The following ABLIM3 variants were observed in gnomAD, a reference collection of about 807,000 sequenced individuals.
ABLIM3 encodes actin binding LIM protein family member 3, also known as actin-binding LIM protein 3.
A neutral mutation model predicts 109.5 loss-of-function variants in ABLIM3; 61 were observed. The ratio of observed to expected loss-of-function variants is 0.56; its 90% confidence interval spans 0.45 to 0.69. The LOEUF (loss-of-function observed/expected upper bound fraction) is 0.69. ABLIM3 is among the 30% of genes least tolerant of loss of function. The pLI is 0.00. For missense variants in ABLIM3, 796 were observed against 889.5 expected (o/e 0.89, Z 1.34); for synonymous variants, 300 against 324.8 (o/e 0.92, Z 0.82).
rs1485576715 is a variant in ABLIM3, at chr5:149,246,554, G to A, written c.1551+8G>A. On this transcript the variant is annotated splice_region_variant and intron_variant, in intron 17 of 23. Coordinates refer to ENST00000309868, the MANE Select transcript of ABLIM3 (RefSeq NM_014945.5). ...GACCGCAGCATGCACAAGGTGGGCA[G>A]AGACCACAGCACTGAATATGATGCT... is the stretch of plus-strand genomic sequence containing the variant. The A allele has an allele frequency of 6.2e-7, 1 of 1,614,018 alleles. No homozygotes were observed. Among genetic ancestry groups the A allele is most frequent in the Non-Finnish European group, 8.5e-7 (1 of 1,180,020 alleles).
chr5:149,216,343 GAAAATA>G (rs1457922043), intron 7 of ABLIM3, among the ~76,000 whole-genome samples: 1 of 152,196 alleles, frequency 6.6e-6, no homozygotes, highest in Non-Finnish European at 1.5e-5. Context: ...CATGTAACCT[GAAAATA>G]AATAGAGTTC....
At chr5:149,207,185 G>C (rs775352136) in intron 6 of ABLIM3, 51 bp downstream of exon 6, 2 of 1,592,054 alleles carry the variant, frequency 1.3e-6, no homozygotes, top group African/African-American at 1.3e-5. Flanking sequence ...CATTCTGTGA[G>C]GCCTGCCCCA....
At chr5:149,146,735 A>C (rs1212640482) in intron 2 of ABLIM3, among the ~76,000 whole-genome samples, 1 of 152,138 alleles carries the variant, frequency 6.6e-6, no homozygotes, top group Non-Finnish European at 1.5e-5. Context: ...ATATAGTTTG[A>C]AGTCAGGTAA....
chr5:149,230,588 A>G (rs1761755597), intron 8 of ABLIM3, 61 bp from the exon 9 acceptor site: 14 of 1,560,376 alleles, frequency 9.0e-6, no homozygotes, highest in Non-Finnish European at 1.2e-5. Context: ...AAGGTGGGAC[A>G]TGGGGAGAGT....
intron 2 of ABLIM3, 137 bp from the exon 3 acceptor site, chr5:149,183,315 T>A: frequency 5.9e-6 from 6 of 1,023,140 alleles, no homozygotes; most frequent in Non-Finnish European, 8.2e-6. Context: ...GTCATCCTGA[T>A]GATGAATTGA....
chr5:149,235,370 TCTTTCAAA>T (rs1366702108), intron 10 of ABLIM3, among the ~76,000 whole-genome samples: 1 of 152,228 alleles, frequency 6.6e-6, no homozygotes, highest in Non-Finnish European at 1.5e-5. Flanking sequence ...ACGAGCAGGT[TCTTTCAAA>T]CTTTCAAACT....
intron 2 of ABLIM3, among the ~76,000 whole-genome samples, chr5:149,145,535 A>G (rs1561527697): frequency 6.6e-6 from 1 of 152,168 alleles, no homozygotes; most frequent in Non-Finnish European, 1.5e-5. Context: ...GTCAAATGGT[A>G]TTTCTGTTTT....
intron 9 of ABLIM3, among the ~76,000 whole-genome samples, chr5:149,231,390 T>C (rs1761842905): frequency 6.6e-6 from 1 of 152,148 alleles, no homozygotes; most frequent in Admixed American, 6.5e-5. Context: ...GGGTCTTTGA[T>C]GATGTAGAGG....
chr5:149,215,522 TAA>T (rs11327906), intron 7 of ABLIM3, among the ~76,000 whole-genome samples: 15 of 146,246 alleles, frequency 1.0e-4, no homozygotes, highest in South Asian at 2.2e-4. Flanking sequence ...TCCCCCCACA[TAA>T]AAAAAAAAAG....
At chr5:149,177,513 G>T (rs1756048330) in intron 2 of ABLIM3, among the ~76,000 whole-genome samples, 1 of 152,136 alleles carries the variant, frequency 6.6e-6, no homozygotes, top group Non-Finnish European at 1.5e-5. Context: ...ACATTTCTCT[G>T]CAGGATATAT....
At chr5:149,210,611 G>A (rs1461988396) in intron 6 of ABLIM3, 115 bp from the exon 7 acceptor site, 9 of 803,410 alleles carry the variant, frequency 1.1e-5, no homozygotes, top group Non-Finnish European at 1.7e-5. Context: ...TATTAAAGGA[G>A]AAGTATCGAA....
rs1158015496 is a variant in ABLIM3 at position 149,259,367 on chromosome 5, C to T, written c.*963C>T. On this transcript the variant is annotated 3_prime_UTR_variant, in exon 24 of 24. Coordinates refer to ENST00000309868, the MANE Select transcript of ABLIM3 (RefSeq NM_014945.5). Reference sequence around the variant, plus strand: ...CAACACACCGCAGGGCTAATGTTCCCACCAGAGCTCCAACTGAACAACCAG... The same window carrying T: ...CAACACACCGCAGGGCTAATGTTCCTACCAGAGCTCCAACTGAACAACCAG... The T allele has an allele frequency of 1.0e-5, 15 of 1,462,358 alleles. No homozygotes were observed. Among genetic ancestry groups the T allele is most frequent in the Non-Finnish European group, 9.9e-6 (11 of 1,110,450 alleles). The allele number at this position is 1,462,358 out of a possible 1,614,324, so 90.6% of individuals were successfully genotyped here.
chr5:149,210,018 G>A (rs758647804), intron 6 of ABLIM3, among the ~76,000 whole-genome samples: 2 of 152,202 alleles, frequency 1.3e-5, no homozygotes, highest in East Asian at 1.9e-4. Context: ...TCATTAGAGC[G>A]AGGCAGAGCC....
intron 23 of ABLIM3, among the ~76,000 whole-genome samples, chr5:149,256,681 G>A (rs943665535): frequency 7.2e-5 from 11 of 152,350 alleles, no homozygotes; most frequent in South Asian, 4.1e-4. Flanking sequence ...ATTCTGAAGT[G>A]CATAGGAATG....
intron 2 of ABLIM3, among the ~76,000 whole-genome samples, chr5:149,161,609 G>A (rs981008361): frequency 6.6e-6 from 1 of 152,162 alleles, no homozygotes; most frequent in African/African-American, 2.4e-5. Flanking sequence ...GTTAGAAGAG[G>A]GGTATTCTGG....
chr5:149,226,012 A>G (rs1581176950), intron 8 of ABLIM3, among the ~76,000 whole-genome samples: 1 of 113,142 alleles, frequency 8.8e-6, no homozygotes, highest in East Asian at 3.4e-4. Flanking sequence ...ATATATATAT[A>G]TATATATATA....
rs117173968 is a variant in ABLIM3 at position 149,250,123 on chromosome 5, T to C, written c.1729+279T>C. On this transcript the variant is annotated intron_variant, in intron 19 of 23. Transcript: ENST00000309868. ...TTCCTACCTGAGTTCTGAGCTTGAC[T>C]TCAATTCCAGGGCCTTTGTCCAGAG... Among the ~76,000 whole-genome samples the C allele has an allele frequency of 7.7e-4, 117 of 152,304 alleles. 2 individuals are homozygous for C. The East Asian group carries it at 0.018, about 23-fold the overall frequency.
intron 8 of ABLIM3, among the ~76,000 whole-genome samples, chr5:149,228,248 T>C (rs981717005): frequency 3.9e-5 from 6 of 152,236 alleles, no homozygotes; most frequent in Non-Finnish European, 7.3e-5. Flanking sequence ...AACAAATGAA[T>C]GCCTCTTCCT....
chr5:149,240,691 G>A lies in ABLIM3; in HGVS notation c.1220G>A (p.Arg407Gln), dbSNP rs750641202. ...HYYRSGPESG[R>Q]SSPYHSQLDV... ...CGTGCTCCAGGGCCCGAGAGTGGCCGGAGCTCTCCATACCATAGCCAGTTA... is the reference window on the plus strand; with the variant it reads ...CGTGCTCCAGGGCCCGAGAGTGGCCAGAGCTCTCCATACCATAGCCAGTTA... Residue 407 changes from arginine (R) to glutamine (Q), a missense_variant, in exon 14 of 24, where the codon CGG (arginine) becomes CAG (glutamine). Transcript: ENST00000309868. The A allele has an allele frequency of 1.9e-5, 30 of 1,613,876 alleles. No homozygotes were observed. The highest frequency in any genetic ancestry group is 1.3e-4 in the East Asian group (6 of 44,876).
Sources: gnomAD v4.1 joint callset for allele counts (sites outside exome capture counted in the v4.1 genomes callset) on GRCh38, gnomAD v4.1.1 for gene constraint, MANE v1.5 for transcripts, NCBI Gene and HGNC (gene_info 2026-07-23, HGNC 2026-07-21) for gene names.